Variants in COG6 observed in about 807,000 individuals in gnomAD.
COG6 encodes the protein component of oligomeric golgi complex 6, also known as conserved oligomeric Golgi complex subunit 6.
COG6 carries 74 observed loss-of-function variants against 88.8 expected under a neutral mutation model. The ratio of observed to expected loss-of-function variants is 0.83; its 90% CI spans 0.69 to 1.01. The LOEUF (loss-of-function observed/expected upper bound fraction) is 1.01, where lower values mean the gene tolerates loss of function less well. COG6 is among the 50% of genes least tolerant of loss of function. COG6 has a pLI of 0.00. For synonymous variants in COG6, 286 were observed against 278.7 expected, an observed-to-expected ratio of 1.03 and a Z score of -0.26; for missense variants, 800 against 797.9, an observed-to-expected ratio of 1.00 and a Z score of -0.03.
intron 18 of COG6, among the ~76,000 whole-genome samples, chr13:39,777,700 G>A (rs1022468955): frequency 6.6e-6 from 1 of 152,126 alleles, no homozygotes; most frequent in Non-Finnish European, 1.5e-5. Context: ...TATCTTTAAG[G>A]CCATCTGGTC....
chr13:39,728,929 C>T (rs779022863), intron 18 of COG6, among the ~76,000 whole-genome samples: 3 of 152,134 alleles, frequency 2.0e-5, no homozygotes, highest in Non-Finnish European at 4.4e-5. Context: ...TCCCAAAGTG[C>T]TGGGATTACA....
intron 5 of COG6, 84 bp downstream of exon 5, chr13:39,677,663 C>G (rs1329104239): frequency 7.1e-6 from 5 of 707,212 alleles, no homozygotes; most frequent in Admixed American, 2.8e-5. Context: ...GCTTTATTTT[C>G]CCATTAAAAA....
chr13:39,743,292 T>TA (rs967260722), intron 18 of COG6, among the ~76,000 whole-genome samples: 4 of 152,090 alleles, frequency 2.6e-5, no homozygotes, highest in African/African-American at 4.8e-5. Flanking sequence ...AAAAAACCCT[T>TA]AAAAAAATCA....
At chr13:39,717,840 G>A (rs1024835831) in intron 13 of COG6, among the ~76,000 whole-genome samples, 1 of 152,102 alleles carries the variant, frequency 6.6e-6, no homozygotes, top group Non-Finnish European at 1.5e-5. Context: ...CTGAGTGACA[G>A]AGAAAGACCC....
rs142340394 is a variant in COG6, at chr13:39,717,997, GT to G, written c.1285-1235del. Among the ~76,000 whole-genome samples the G allele has an allele frequency of 3.8e-3, 581 of 152,182 alleles. 1 individual carries two copies. Among genetic ancestry groups the G allele is most frequent in the African/African-American group, 0.011 (446 of 41,546 alleles). The stretch of plus-strand genomic sequence containing the variant: ...GATATTCTTTATTTGGTGAGACATT[GT>G]TTTCATACTTTAGTTCTTCAGACAT... On this transcript the variant is annotated intron_variant, in intron 13 of 18. Transcript: ENST00000455146.
At chr13:39,701,426 G>A (rs1160860070) in intron 13 of COG6, among the ~76,000 whole-genome samples, 1 of 151,826 alleles carries the variant, frequency 6.6e-6, no homozygotes, top group African/African-American at 2.4e-5. Context: ...CATGGGTTTG[G>A]ATGAAGTCAC....
At chr13:39,781,000 G>T (rs1881611182) in intron 18 of COG6, among the ~76,000 whole-genome samples, 1 of 152,156 alleles carries the variant, frequency 6.6e-6, no homozygotes, top group East Asian at 1.9e-4. Context: ...GCAACTCTTT[G>T]CATGAATGCC....
At chr13:39,673,094 T>G (rs1875749288) in intron 4 of COG6, among the ~76,000 whole-genome samples, 1 of 152,146 alleles carries the variant, frequency 6.6e-6, no homozygotes, top group South Asian at 2.1e-4. Flanking sequence ...GTGTTTTTAT[T>G]TATTGGTTGT....
intron 3 of COG6, 96 bp downstream of exon 3, chr13:39,660,977 T>C: frequency 1.3e-6 from 1 of 757,958 alleles, no homozygotes; most frequent in South Asian, 1.4e-5. Flanking sequence ...CATAATGCCC[T>C]GTAGGAAATT....
At chr13:39,760,210 A>G (rs1362117342) in intron 18 of COG6, among the ~76,000 whole-genome samples, 1 of 152,076 alleles carries the variant, frequency 6.6e-6, no homozygotes, top group African/African-American at 2.4e-5. Context: ...ATATAAGTCT[A>G]ATTTTCGGGA....
chr13:39,676,843 G>A (rs1055062131), intron 4 of COG6, among the ~76,000 whole-genome samples: 3 of 152,018 alleles, frequency 2.0e-5, no homozygotes, highest in African/African-American at 7.2e-5. Context: ...CAGTCCCATA[G>A]GTCCTTGAGT....
intron 3 of COG6, among the ~76,000 whole-genome samples, chr13:39,663,249 C>CA (rs913686422): frequency 2.0e-5 from 3 of 151,616 alleles, no homozygotes; most frequent in African/African-American, 7.3e-5. Context: ...AGGAAATATG[C>CA]AAAAAAATTA....
intron 18 of COG6, among the ~76,000 whole-genome samples, chr13:39,735,969 A>T (rs189992627): frequency 4.4e-4 from 67 of 152,084 alleles, no homozygotes; most frequent in Non-Finnish European, 9.0e-4. Context: ...TGATTATTAA[A>T]GGTCTTGAGG....
rs1880283211 is a variant in COG6, at chr13:39,745,316, G to A, written c.1827-5630G>A. 2.0e-5 allele frequency among the ~76,000 whole-genome samples: 3 copies of A among 151,986 alleles called. No homozygotes were observed. The South Asian group carries it at 6.2e-4, about 32-fold the overall frequency. ...AGAGTGAACAGGCAACCTACAGAAT[G>A]GGAAAAAATGTTTGCAATCTACCCA... On this transcript the variant is annotated intron_variant, in intron 18 of 18. Transcript: ENST00000455146.
intron 8 of COG6, among the ~76,000 whole-genome samples, chr13:39,686,483 C>T (rs1251512212): frequency 6.6e-6 from 1 of 152,176 alleles, no homozygotes; most frequent in Non-Finnish European, 1.5e-5. Flanking sequence ...CCTTAGAAAG[C>T]CTTTCCATGC....
intron 10 of COG6, 25 bp from the exon 11 acceptor site, chr13:39,689,735 T>G: frequency 6.6e-7 from 1 of 1,525,846 alleles, no homozygotes; most frequent in Non-Finnish European, 9.1e-7. Flanking sequence ...GAAACAAATA[T>G]TAATTATGTA....
chr13:39,687,944 A>G, intron 10 of COG6, 145 bp downstream of exon 10: 1 of 685,270 alleles, frequency 1.5e-6, no homozygotes, highest in Non-Finnish European at 2.6e-6. Context: ...TCTTCTCTAG[A>G]TTCTCCCTCA....
intron 4 of COG6, among the ~76,000 whole-genome samples, chr13:39,667,399 C>T (rs1382632020): frequency 6.6e-6 from 1 of 152,076 alleles, no homozygotes; most frequent in Non-Finnish European, 1.5e-5. Flanking sequence ...TGATGTTGTC[C>T]TCAGATTTAT....
At chr13:39,744,337 T>C (rs1880216992) in intron 18 of COG6, among the ~76,000 whole-genome samples, 1 of 152,168 alleles carries the variant, frequency 6.6e-6, no homozygotes, top group African/African-American at 2.4e-5. Context: ...GATGACATGA[T>C]TGCATATTTA....
Sources: gnomAD v4.1 joint callset for allele counts (sites outside exome capture counted in the v4.1 genomes callset) on GRCh38, gnomAD v4.1.1 for gene constraint, MANE v1.5 for transcripts, NCBI Gene and HGNC (gene_info 2026-07-23, HGNC 2026-07-21) for gene names.